The following IL17REL variants were observed in gnomAD, a reference collection of about 807,000 sequenced individuals.
IL17REL encodes interleukin 17 receptor E like.
In IL17REL, 36 loss-of-function variants were observed where a neutral mutation model predicts 49.0. The observed-to-expected ratio is 0.73, with a 90% CI of 0.56 to 0.97. The LOEUF (loss-of-function observed/expected upper bound fraction) is 0.97, where lower values mean the gene tolerates loss of function less well. Among genes scored for constraint, IL17REL ranks in the 50% least tolerant of loss-of-function variants. The probability of loss-of-function intolerance (pLI) is 0.00; values close to 1 mark genes in which losing one functional copy is unlikely to be tolerated. For missense variants in IL17REL, 470 were observed against 453.9 expected, an observed-to-expected ratio of 1.04 and a Z score of -0.32; for synonymous variants, 206 against 192.4, an observed-to-expected ratio of 1.07 and a Z score of -0.58.
At chr22:50,009,298 C>T (rs1420720849), upstream of IL17REL, among the ~76,000 whole-genome samples, 1 of 152,104 alleles carries the variant, frequency 6.6e-6, no homozygotes, top group African/African-American at 2.4e-5. Flanking sequence ...TTATGATCAT[C>T]CCCAGCCCAA....
At chr22:50,010,012 T>C (rs1302197721), upstream of IL17REL, among the ~76,000 whole-genome samples, 2 of 11,800 alleles carry the variant, frequency 1.7e-4, no homozygotes, top group African/African-American at 6.0e-4. Flanking sequence ...CACGTGCTAC[T>C]AGTGAACTGT....
intron 1 of IL17REL, among the ~76,000 whole-genome samples, chr22:50,001,868 G>A (rs768996805): frequency 1.2e-4 from 18 of 152,242 alleles, no homozygotes; most frequent in Admixed American, 3.9e-4. Flanking sequence ...CAACCCAGCT[G>A]TTCCACAGGA....
At chr22:50,004,900 C>A (rs1421774907) in intron 1 of IL17REL, among the ~76,000 whole-genome samples, 1 of 144,514 alleles carries the variant, frequency 6.9e-6, no homozygotes. Context: ...AAATCTGCAT[C>A]TTTTGACCCT....
chr22:49,999,878 G>A, exon 5 of IL17REL: 2 of 1,544,222 alleles, frequency 1.3e-6, no homozygotes, highest in East Asian at 2.5e-5. Context: ...AGGCAGAGCC[G>A]CAGGTAGTAG....
chr22:50,005,705 T>C lies in IL17REL; in HGVS notation c.-42+2932A>G, dbSNP rs924738129. Reference sequence around the variant, plus strand: ...CTGTAATTCCAGCTACTTGAGAGGCTAAGGCAGGAGAATCCCTTGAATCCG... The same window carrying C: ...CTGTAATTCCAGCTACTTGAGAGGCCAAGGCAGGAGAATCCCTTGAATCCG... On this transcript the variant is annotated intron_variant, in intron 1 of 12. Coordinates refer to ENST00000341280, the Ensembl canonical transcript of IL17REL. Among the ~76,000 whole-genome samples, 16 of 151,914 alleles carry C rather than the reference T, an allele frequency of 1.1e-4. 1 individual carries two copies.
intron 10 of IL17REL, 30 bp from the exon 13 acceptor site, chr22:49,997,513 C>T: frequency 7.2e-7 from 1 of 1,385,750 alleles, no homozygotes; most frequent in African/African-American, 1.4e-5. Flanking sequence ...AGACCCCCAT[C>T]CGGCCCAGCA....
At chr22:50,010,085 A>AC (rs1292448958), upstream of IL17REL, among the ~76,000 whole-genome samples, 2 of 151,838 alleles carry the variant, frequency 1.3e-5, no homozygotes, top group Admixed American at 1.3e-4. Context: ...CTTCGTTCTC[A>AC]CCCCACCGTC....
downstream of IL17REL, among the ~76,000 whole-genome samples, chr22:49,992,540 G>A (rs1223165695): frequency 1.3e-5 from 2 of 152,220 alleles, no homozygotes; most frequent in Non-Finnish European, 2.9e-5. Flanking sequence ...CAATCCTCCT[G>A]CCTTGGCCTC....
In IL17REL at chr22:49,997,413, G is replaced by T. The variant is rs139236588; in HGVS notation, c.881C>A (p.Pro294Gln). 6.8e-6 allele frequency: 11 copies of T among 1,613,392 alleles called. No individual in the cohort carries two copies. The South Asian group carries it at 9.9e-5, about 15-fold the overall frequency. Residue 294 changes from proline (P) to glutamine (Q), a missense_variant, in exon 11 of 13, where the codon CCG (proline) becomes CAG (glutamine). Coordinates refer to ENST00000341280, the Ensembl canonical transcript of IL17REL. ...GACACAGGTGCACCTGGAAGTGGGC[G>T]GGGCTGGACGAGAAGAAGGTGACCC...
chr22:49,997,581 CA>C, intron 10 of IL17REL, 98 bp from the exon 13 acceptor site: 2 of 1,417,336 alleles, frequency 1.4e-6, no homozygotes, highest in Admixed American at 3.4e-5. Flanking sequence ...GTACCTCCCC[CA>C]CACTGGCTTG....
chr22:49,999,751 C>T (rs1487477244), intron 5 of IL17REL, 77 bp downstream of exon 7: 6 of 1,194,596 alleles, frequency 5.0e-6, no homozygotes, highest in Non-Finnish European at 6.3e-6. Context: ...TGGGCGGGGC[C>T]TAAGGCTGAC....
intron 1 of IL17REL, among the ~76,000 whole-genome samples, chr22:50,006,954 CAAAAA>C (rs34032002): frequency 9.8e-6 from 1 of 101,930 alleles, no homozygotes. Flanking sequence ...GACTCTGTCT[CAAAAA>C]AAAAAAAAAA....
chr22:50,002,267 G>C (rs1404877076), intron 1 of IL17REL, among the ~76,000 whole-genome samples: 1 of 152,210 alleles, frequency 6.6e-6, no homozygotes, highest in African/African-American at 2.4e-5. Context: ...TTGGCTGCTT[G>C]CTTCGGCCTG....
chr22:50,012,480 A>T (rs2061146880), upstream of IL17REL: 2 of 152,478 alleles, frequency 1.3e-5, no homozygotes, highest in South Asian at 4.1e-4. Context: ...GGCCAGACCC[A>T]CCTGAGGAGA....
intron 1 of IL17REL, among the ~76,000 whole-genome samples, chr22:50,005,063 G>A (rs959457402): frequency 2.7e-5 from 4 of 150,686 alleles, no homozygotes; most frequent in Non-Finnish European, 4.4e-5. Context: ...TTAGTGAAAC[G>A]GGCGCAGGAG....
intron 12 of IL17REL, 64 bp from the exon 15 acceptor site, chr22:49,996,924 A>AGG: frequency 1.4e-6 from 1 of 740,552 alleles, no homozygotes; most frequent in Non-Finnish European, 2.2e-6. Context: ...GGGGATGGGA[A>AGG]GGGGGGGTGT....
chr22:50,002,206 C>T (rs896366252), intron 1 of IL17REL, among the ~76,000 whole-genome samples: 17 of 152,228 alleles, frequency 1.1e-4, no homozygotes, highest in Non-Finnish European at 1.9e-4. Flanking sequence ...AGGAGTGTTA[C>T]CAAATTCTTT....
At chr22:50,004,101 CAG>C (rs1346374584) in intron 1 of IL17REL, among the ~76,000 whole-genome samples, 1 of 151,984 alleles carries the variant, frequency 6.6e-6, no homozygotes, top group African/African-American at 2.4e-5. Context: ...TTTTTTGAGA[CAG>C]AGCCTCACTC....
At chr22:49,996,327 C>G (rs1204441406) in exon 13 of IL17REL, 2 of 152,350 alleles carry the variant, frequency 1.3e-5, no homozygotes, top group Non-Finnish European at 2.9e-5. Flanking sequence ...GGTAGGAGTG[C>G]CAGCTCTGAC....
Sources: gnomAD v4.1 joint callset for allele counts (sites outside exome capture counted in the v4.1 genomes callset) on GRCh38, gnomAD v4.1.1 for gene constraint, MANE v1.5 for transcripts, NCBI Gene and HGNC (gene_info 2026-07-23, HGNC 2026-07-21) for gene names.